The following GABRG3 variants were observed in gnomAD, a reference collection of about 807,000 sequenced individuals.
GABRG3 encodes gamma-aminobutyric acid receptor subunit gamma-3.
Under a neutral mutation model 48.8 loss-of-function variants are expected in GABRG3, and 25 were observed. The ratio of observed to expected loss-of-function variants is 0.51; its 90% CI spans 0.37 to 0.72. GABRG3 has a LOEUF of 0.72. Among genes scored for constraint, GABRG3 ranks in the 30% least tolerant of loss-of-function variants. The pLI is 0.00. For synonymous variants in GABRG3, 227 were observed against 217.6 expected, an observed-to-expected ratio of 1.04 and a Z score of -0.38; for missense variants, 394 against 577.9, an observed-to-expected ratio of 0.68 and a Z score of 3.26.
At chr15:27,128,251 T>C (rs1376453250) in intron 3 of GABRG3, among the ~76,000 whole-genome samples, 1 of 152,156 alleles carries the variant, frequency 6.6e-6, no homozygotes, top group East Asian at 1.9e-4. Context: ...CGTCCATATC[T>C]GGTGGAGGAG....
intron 5 of GABRG3, among the ~76,000 whole-genome samples, chr15:27,341,905 A>G (rs1894193418): frequency 6.6e-6 from 1 of 152,228 alleles, no homozygotes; most frequent in African/African-American, 2.4e-5. Flanking sequence ...CTGCAGCCAT[A>G]TTAGAGCCAG....
At chr15:27,379,633 TTTTATCGAAGTC>T (rs1217394301) in intron 5 of GABRG3, among the ~76,000 whole-genome samples, 2 of 152,214 alleles carry the variant, frequency 1.3e-5, no homozygotes, top group Non-Finnish European at 2.9e-5. Flanking sequence ...TGTTCTTAAT[TTTTATCGAAGTC>T]TTTATTTCTC....
intron 5 of GABRG3, among the ~76,000 whole-genome samples, chr15:27,388,312 G>A (rs1193129641): frequency 9.0e-4 from 32 of 35,652 alleles, no homozygotes; most frequent in Non-Finnish European, 1.5e-3. Flanking sequence ...AGGAAAGGGA[G>A]GGAGGGAAAA....
At chr15:27,416,769 C>T (rs1257667192) in intron 5 of GABRG3, among the ~76,000 whole-genome samples, 1 of 152,116 alleles carries the variant, frequency 6.6e-6, no homozygotes, top group East Asian at 1.9e-4. Context: ...TCCTATGTGC[C>T]GATCAGCCTG....
At chr15:27,308,809 AAC>A (rs1254935284) in intron 3 of GABRG3, among the ~76,000 whole-genome samples, 58 of 150,312 alleles carry the variant, frequency 3.9e-4, no homozygotes, top group Admixed American at 2.1e-3. Flanking sequence ...TTTATATAAA[AAC>A]ACATATAGTG....
chr15:27,148,149 T>C (rs1298167240), intron 3 of GABRG3, among the ~76,000 whole-genome samples: 4 of 151,672 alleles, frequency 2.6e-5, no homozygotes, highest in Non-Finnish European at 5.9e-5. Flanking sequence ...CTTCATGGGG[T>C]GGGGGAAGAA....
intron 6 of GABRG3, among the ~76,000 whole-genome samples, chr15:27,491,693 C>T (rs60853391): frequency 0.13 from 20,425 of 152,080 alleles, 2,093 homozygotes; most frequent in East Asian, 0.28. Flanking sequence ...TATATGTCCA[C>T]GTAATGCTTA....
At chr15:27,324,485 C>T (rs1893538204) in intron 3 of GABRG3, among the ~76,000 whole-genome samples, 1 of 152,162 alleles carries the variant, frequency 6.6e-6, no homozygotes, top group African/African-American at 2.4e-5. Context: ...TTACTCTTGC[C>T]TCCATTGTCT....
intron 5 of GABRG3, among the ~76,000 whole-genome samples, chr15:27,372,598 C>A (rs528166069): frequency 6.6e-6 from 1 of 152,178 alleles, no homozygotes; most frequent in South Asian, 2.1e-4. Context: ...CGTTTTGCTG[C>A]CCAAGCTGTT....
chr15:26,987,774 C>T (rs1308702202), intron 2 of GABRG3, among the ~76,000 whole-genome samples: 2 of 152,098 alleles, frequency 1.3e-5, no homozygotes, highest in African/African-American at 2.4e-5. Flanking sequence ...TGATTTGAGA[C>T]GTTCTTTTCT....
chr15:27,259,584 CCAGCTCCTCCA>C (rs1233791730), intron 3 of GABRG3, among the ~76,000 whole-genome samples: 1 of 152,106 alleles, frequency 6.6e-6, no homozygotes, highest in African/African-American at 2.4e-5. Context: ...CTTAGAGTTC[CCAGCTCCTCCA>C]CACCCTTCCA....
At chr15:27,397,851 C>G (rs564185242) in intron 5 of GABRG3, among the ~76,000 whole-genome samples, 2 of 147,418 alleles carry the variant, frequency 1.4e-5, no homozygotes, top group African/African-American at 5.0e-5. Flanking sequence ...GTGGCCCAGG[C>G]TGCAGTGCAG....
chr15:27,051,077 C>A (rs1357855407), intron 3 of GABRG3, among the ~76,000 whole-genome samples: 2 of 152,176 alleles, frequency 1.3e-5, no homozygotes, highest in African/African-American at 4.8e-5. Context: ...AGGACTCAGA[C>A]CACAAATTCT....
At chr15:27,058,049 A>G (rs1896581942) in intron 3 of GABRG3, among the ~76,000 whole-genome samples, 1 of 152,168 alleles carries the variant, frequency 6.6e-6, no homozygotes, top group Non-Finnish European at 1.5e-5. Flanking sequence ...GGAAGCATAC[A>G]GGCTTTGCCC....
chr15:27,147,781 G>T (rs1010588207), intron 3 of GABRG3, among the ~76,000 whole-genome samples: 1 of 151,914 alleles, frequency 6.6e-6, no homozygotes, highest in African/African-American at 2.4e-5. Context: ...ATTTAAAAAT[G>T]CAGAAACACA....
At chr15:27,353,423 T>TATTTA (rs1275876666) in intron 5 of GABRG3, among the ~76,000 whole-genome samples, 68 of 148,616 alleles carry the variant, frequency 4.6e-4, no homozygotes, top group Middle Eastern at 3.5e-3. Context: ...GTTTTCTTTC[T>TATTTA]TTCTATTTAT....
chr15:27,380,085 T>A (rs2140563213), intron 5 of GABRG3, among the ~76,000 whole-genome samples: 1 of 152,288 alleles, frequency 6.6e-6, no homozygotes, highest in African/African-American at 2.4e-5. Flanking sequence ...AACCCTTTTG[T>A]TTTTCTCTAC....
intron 5 of GABRG3, among the ~76,000 whole-genome samples, chr15:27,367,792 T>C (rs997846038): frequency 2.0e-5 from 3 of 152,244 alleles, no homozygotes; most frequent in Non-Finnish European, 4.4e-5. Context: ...TGGTCCTTGC[T>C]GATTAACCTT....
chr15:27,225,758 G>A (rs1889592839), intron 3 of GABRG3, among the ~76,000 whole-genome samples: 4 of 152,050 alleles, frequency 2.6e-5, no homozygotes, highest in Admixed American at 2.0e-4. Context: ...CCCTCCACCT[G>A]CCCTGGTCTT....
Sources: gnomAD v4.1 joint callset for allele counts (sites outside exome capture counted in the v4.1 genomes callset) on GRCh38, gnomAD v4.1.1 for gene constraint, MANE v1.5 for transcripts, NCBI Gene and HGNC (gene_info 2026-07-23, HGNC 2026-07-21) for gene names.